Variants in ELP6 observed in about 807,000 individuals in gnomAD.
ELP6 encodes elongator complex protein 6.
In ELP6, 23 loss-of-function variants were observed where a neutral mutation model predicts 28.1. The observed-to-expected ratio is 0.82, with a 90% CI of 0.59 to 1.16. The LOEUF is 1.16. ELP6 is among the 50% of genes most tolerant of loss of function. The pLI is 0.00. For synonymous variants in ELP6, 132 were observed against 135.8 expected (o/e 0.97, Z 0.19); for missense variants, 313 against 334.6 (o/e 0.94, Z 0.50).
intron 4 of ELP6, chr3:47,502,234 A>T: frequency 4.8e-6 from 1 of 206,360 alleles, no homozygotes; most frequent in Non-Finnish European, 8.5e-6. Flanking sequence ...CAATGGTGAA[A>T]CCCCGTCTCT....
chr3:47,505,566 A>ATATTTATT (rs986614711), intron 3 of ELP6, among the ~76,000 whole-genome samples: 15 of 151,814 alleles, frequency 9.9e-5, no homozygotes, highest in South Asian at 4.2e-4. Flanking sequence ...CACCAGGCTA[A>ATATTTATT]TATTTATTTA....
intron 1 of ELP6, chr3:47,511,935 G>A: frequency 1.0e-6 from 1 of 984,698 alleles, no homozygotes; most frequent in Non-Finnish European, 1.2e-6. Flanking sequence ...TGGGCTTCAG[G>A]TTTTTTCACT....
In ELP6 at chr3:47,496,169, T is replaced by C. The variant is rs1708474274; in HGVS notation, c.701A>G (p.Gln234Arg). The part of the protein sequence containing the change: ...QLRILWRRPS[Q>R]PAVHRDQSFT... The stretch of plus-strand genomic sequence containing the variant: ...GCTCTGATCCCGGTGGACTGCGGGC[T>C]GCGATGGTCTCCTCCACAGGATCCT... The change falls in exon 7 of 7, where the codon CAG becomes CGG. Residue 234 changes from glutamine to arginine, a missense_variant. By Grantham distance (43) the Gln-to-Arg change is conservative (BLOSUM62 1). Coordinates refer to ENST00000296149, the MANE Select transcript of ELP6 (RefSeq NM_001031703.3). The C allele has an allele frequency of 2.5e-6, 4 of 1,614,080 alleles. No homozygotes were observed. The East Asian group carries it at 6.7e-5, about 27-fold the overall frequency.
intron 6 of ELP6, chr3:47,497,151 G>C: frequency 4.1e-6 from 4 of 984,932 alleles, no homozygotes; most frequent in Non-Finnish European, 4.8e-6. Context: ...GGAGGCTTGG[G>C]AGTGGTTCCA....
intron 1 of ELP6, chr3:47,512,074 C>A: frequency 1.0e-6 from 1 of 985,460 alleles, no homozygotes; most frequent in Non-Finnish European, 1.2e-6. Context: ...CCAGTGGTAA[C>A]TGGCAAGGTA....
In ELP6 at chr3:47,508,869, A is replaced by G. The variant is rs961107504; in HGVS notation, c.204+1315T>C. On this transcript the variant is annotated intron_variant, in intron 3 of 6. Coordinates refer to ENST00000296149, the MANE Select transcript of ELP6 (RefSeq NM_001031703.3). Reference sequence around the variant, plus strand: ...AAGCTCCGCCTCCTGGGTTCACTCAATTCTCCTGCCTCAGTCTCCCAAGTA... The same window carrying G: ...AAGCTCCGCCTCCTGGGTTCACTCAGTTCTCCTGCCTCAGTCTCCCAAGTA... 2.0e-5 allele frequency among the ~76,000 whole-genome samples: 3 copies of G among 150,298 alleles called. No homozygotes were observed. In the Admixed American group the frequency reaches 2.0e-4, roughly 10 times the overall value.
chr3:47,496,829 G>A, intron 6 of ELP6: 1 of 985,278 alleles, frequency 1.0e-6, no homozygotes, highest in Non-Finnish European at 1.2e-6. Context: ...TTTTGTACTT[G>A]CGGGCTAGAC....
rs1221984059 is a variant in ELP6 at position 47,501,932 on chromosome 3, G to T, written c.324-81C>A. 1.0e-5 allele frequency: 13 copies of T among 1,301,980 alleles called. No homozygotes were observed. The African/African-American group carries it at 1.8e-4, about 18-fold the overall frequency. The allele number at this position is 1,301,980 out of a possible 1,614,324, so 80.7% of individuals were successfully genotyped here. A position where few individuals can be genotyped will look rare whatever the true frequency, so the allele number is the denominator to read the frequency against. ...AGGACCAAGTAGCACGACAGGAGAG[G>T]GCTAAGGGGGACAAAGAACTGTATC... On this transcript the variant is annotated intron_variant, in intron 4 of 6. Transcript: ENST00000296149.
At chr3:47,512,819 G>A in intron 1 of ELP6, 1 of 964,738 alleles carries the variant, frequency 1.0e-6, no homozygotes, top group Non-Finnish European at 1.2e-6. Context: ...GTGGCGGTTA[G>A]GAAGCTCGCC....
chr3:47,511,806 C>A (rs754092633), intron 1 of ELP6: 1 of 988,386 alleles, frequency 1.0e-6, no homozygotes, highest in Admixed American at 5.9e-5. Context: ...CTCTGCAGAG[C>A]CTGACTGTCC....
At chr3:47,502,573 A>G in intron 4 of ELP6, 1 of 984,206 alleles carries the variant, frequency 1.0e-6, no homozygotes, top group Non-Finnish European at 1.2e-6. Context: ...AGTAGCTCAC[A>G]CCTGTAATCC....
Position 47,495,995 on chromosome 3 carries a change from C to T in ELP6, c.*74G>A. The T allele has an allele frequency of 6.2e-7, 1 of 1,607,464 alleles. No individual in the cohort carries two copies. The highest frequency in any genetic ancestry group is 1.3e-5 in the African/African-American group (1 of 74,650). On this transcript the variant is annotated 3_prime_UTR_variant, in exon 7 of 7. Coordinates refer to ENST00000296149, the MANE Select transcript of ELP6 (RefSeq NM_001031703.3). ...AAATATTACTACAGAGGAGAAAGAC[C>T]CATTCTTGCTATGTTGCTCTATCTT...
intron 1 of ELP6, chr3:47,513,253 A>G (rs1056237034): frequency 1.0e-4 from 128 of 1,278,648 alleles, no homozygotes; most frequent in Middle Eastern, 3.0e-4. Context: ...CGGCCTCCCA[A>G]ACTGCTGGGA....
chr3:47,503,457 GTAAATATTT>G (rs1276659556), intron 4 of ELP6: 44 of 1,288,382 alleles, frequency 3.4e-5, no homozygotes, highest in Non-Finnish European at 3.9e-5. Context: ...TGTCTGAAAA[GTAAATATTT>G]TAGGCTTGCA....
chr3:47,510,546 G>A (rs1208086274), intron 2 of ELP6, among the ~76,000 whole-genome samples: 1 of 152,126 alleles, frequency 6.6e-6, no homozygotes, highest in African/African-American at 2.4e-5. Flanking sequence ...ATGGCTCACT[G>A]CAGCCTAAAC....
Position 47,511,136 on chromosome 3 carries a change from T to A in ELP6, c.133+12A>T, listed in dbSNP as rs1206640415. 1.2e-6 allele frequency: 2 copies of A among 1,610,290 alleles called. No homozygotes were observed. Among genetic ancestry groups the A allele is most frequent in the African/African-American group, 2.7e-5 (2 of 74,784 alleles). The stretch of plus-strand genomic sequence containing the variant: ...TTGGGTTTCTTTTCTACAGCATCAA[T>A]GAGTCCCATACCTTTGAGATAGAAG... On this transcript the variant is annotated intron_variant, in intron 2 of 6. Transcript: ENST00000296149.
intron 6 of ELP6, chr3:47,497,964 G>A (rs992354278): frequency 2.0e-6 from 2 of 985,004 alleles, no homozygotes; most frequent in African/African-American, 1.7e-5. Flanking sequence ...CTGAATAGAC[G>A]ACGCCTGCTG....
chr3:47,496,102 AAAGGACACGC>A lies in ELP6; in HGVS notation c.758_767del (p.Ser253IlefsTer30). The A allele has an allele frequency of 6.2e-7, 1 of 1,614,160 alleles. No homozygotes were observed. The highest frequency in any genetic ancestry group is 8.5e-7 in the Non-Finnish European group (1 of 1,180,028). ...CAGCAGGAGACATTCCTTTGGCAAA[AAAGGACACGC>A]TTTTGTCCTGTATCTTATACTGGTA... is the stretch of plus-strand genomic sequence containing the variant. On this transcript the variant is annotated frameshift_variant, in exon 7 of 7. Coordinates refer to ENST00000296149, the MANE Select transcript of ELP6 (RefSeq NM_001031703.3). LOFTEE classifies it high-confidence loss of function.
intron 3 of ELP6, chr3:47,509,819 G>A (rs1708962117): frequency 6.1e-6 from 1 of 163,596 alleles, no homozygotes; most frequent in African/African-American, 2.4e-5. Context: ...CGCCAAGCTG[G>A]AGTGCGATCT....
Sources: allele counts gnomAD v4.1 joint callset (sites outside exome capture counted in the v4.1 genomes callset), GRCh38; gene constraint gnomAD v4.1.1; transcripts MANE v1.5; gene names NCBI Gene and HGNC (gene_info 2026-07-23, HGNC 2026-07-21).